The following PARD3 variants were observed in gnomAD, a reference collection of about 807,000 sequenced individuals.
PARD3 encodes partitioning defective 3 homolog.
PARD3 carries 75 observed loss-of-function variants against 155.4 expected under a neutral mutation model. The ratio of observed to expected loss-of-function variants is 0.48; its 90% CI spans 0.40 to 0.58. The LOEUF (loss-of-function observed/expected upper bound fraction) is 0.58, where lower values mean the gene tolerates loss of function less well. PARD3 is among the 20% of genes least tolerant of loss of function. The pLI is 0.00. For synonymous variants in PARD3, 576 were observed against 610.5 expected (o/e 0.94, Z 0.83); for missense variants, 1,642 against 1,721.7 (o/e 0.95, Z 0.82).
At chr10:34,796,371 TGA>T (rs1294828559) in intron 1 of PARD3, among the ~76,000 whole-genome samples, 1 of 152,182 alleles carries the variant, frequency 6.6e-6, no homozygotes, top group Non-Finnish European at 1.5e-5. Flanking sequence ...CACAAAATCA[TGA>T]GATATAATTA....
At chr10:34,504,143 T>C (rs1189174354) in intron 3 of PARD3, among the ~76,000 whole-genome samples, 1 of 152,048 alleles carries the variant, frequency 6.6e-6, no homozygotes, top group East Asian at 1.9e-4. Context: ...GATTTTTTTT[T>C]TTAAGAGATG....
chr10:34,403,422 T>C (rs192147468), intron 5 of PARD3, among the ~76,000 whole-genome samples: 2 of 152,288 alleles, frequency 1.3e-5, no homozygotes, highest in East Asian at 1.9e-4. Context: ...ATGCCATCAA[T>C]AGGAACAACA....
At chr10:34,262,137 A>T (rs1955059020) in intron 22 of PARD3, among the ~76,000 whole-genome samples, 1 of 151,046 alleles carries the variant, frequency 6.6e-6, no homozygotes, top group Admixed American at 6.6e-5. Flanking sequence ...GTAGTCAACT[A>T]CATCTACTGA....
At chr10:34,607,680 A>T (rs1022382465) in intron 2 of PARD3, among the ~76,000 whole-genome samples, 1 of 152,206 alleles carries the variant, frequency 6.6e-6, no homozygotes, top group Non-Finnish European at 1.5e-5. Context: ...TGTTTGCATC[A>T]TGGACACACT....
At chr10:34,709,431 T>C (rs559719435) in intron 1 of PARD3, among the ~76,000 whole-genome samples, 3 of 152,264 alleles carry the variant, frequency 2.0e-5, no homozygotes, top group African/African-American at 7.2e-5. Flanking sequence ...TAAATATGTA[T>C]TATTAGGAGT....
intron 2 of PARD3, among the ~76,000 whole-genome samples, chr10:34,577,345 A>G (rs1401360670): frequency 6.6e-6 from 1 of 152,160 alleles, no homozygotes; most frequent in Non-Finnish European, 1.5e-5. Context: ...TCTTCCAAAT[A>G]TGTCCATTTA....
At chr10:34,761,697 C>A (rs1837457041) in intron 1 of PARD3, among the ~76,000 whole-genome samples, 1 of 152,062 alleles carries the variant, frequency 6.6e-6, no homozygotes, top group African/African-American at 2.4e-5. Context: ...CAATGTTAAG[C>A]AAAGACAAAT....
chr10:34,621,300 G>A (rs1436178691), intron 2 of PARD3, among the ~76,000 whole-genome samples: 1 of 152,018 alleles, frequency 6.6e-6, no homozygotes, highest in Admixed American at 6.5e-5. Flanking sequence ...AGGTTTAAGT[G>A]GCTCTCGTGT....
chr10:34,304,565 C>T (rs189540597), intron 20 of PARD3, among the ~76,000 whole-genome samples: 154 of 152,242 alleles, frequency 1.0e-3, no homozygotes, highest in African/African-American at 3.4e-3. Context: ...CAAAACCTAC[C>T]CGGAAGGGTA....
intron 15 of PARD3, 55 bp from the exon 16 acceptor site, chr10:34,341,871 A>G (rs1392239623): frequency 2.8e-6 from 3 of 1,086,928 alleles, no homozygotes; most frequent in African/African-American, 3.2e-5. Flanking sequence ...AAAGTGTTAC[A>G]TCTATTAATT....
intron 22 of PARD3, among the ~76,000 whole-genome samples, chr10:34,174,981 C>A (rs1949970818): frequency 6.6e-6 from 1 of 151,500 alleles, no homozygotes; most frequent in Admixed American, 6.6e-5. Context: ...CTTCTTAAGG[C>A]CAATTCATTG....
At chr10:34,169,906 C>G (rs1211323732) in intron 22 of PARD3, among the ~76,000 whole-genome samples, 1 of 152,176 alleles carries the variant, frequency 6.6e-6, no homozygotes, top group Non-Finnish European at 1.5e-5. Flanking sequence ...CAGGATGTAT[C>G]TGCAGGGTGC....
intron 2 of PARD3, among the ~76,000 whole-genome samples, chr10:34,665,621 C>T (rs1179935549): frequency 6.6e-6 from 1 of 152,078 alleles, no homozygotes; most frequent in Admixed American, 6.5e-5. Flanking sequence ...AGGCGGATCA[C>T]GAGGTCAGGG....
chr10:34,763,213 G>A (rs1264786934), intron 1 of PARD3, among the ~76,000 whole-genome samples: 1 of 152,188 alleles, frequency 6.6e-6, no homozygotes, highest in Admixed American at 6.5e-5. Context: ...ATATCTAAAG[G>A]TCCCACCAGA....
chr10:34,212,864 C>T (rs371520456), intron 22 of PARD3, among the ~76,000 whole-genome samples: 70 of 152,296 alleles, frequency 4.6e-4, no homozygotes, highest in Admixed American at 2.0e-3. Context: ...TCTTCACCAA[C>T]ACTGCCACCA....
intron 24 of PARD3, among the ~76,000 whole-genome samples, chr10:34,116,661 A>G (rs890180153): frequency 6.6e-6 from 1 of 152,250 alleles, no homozygotes; most frequent in Non-Finnish European, 1.5e-5. Context: ...AAGGAAGACA[A>G]GAAGATACTG....
intron 2 of PARD3, among the ~76,000 whole-genome samples, chr10:34,684,213 G>A (rs1170727445): frequency 6.6e-6 from 1 of 152,196 alleles, no homozygotes; most frequent in Non-Finnish European, 1.5e-5. Flanking sequence ...AGTGGACAGT[G>A]AAAACGAAAA....
At chr10:34,346,624 A>G (rs1209850521) in intron 15 of PARD3, among the ~76,000 whole-genome samples, 1 of 152,230 alleles carries the variant, frequency 6.6e-6, no homozygotes, top group East Asian at 1.9e-4. Flanking sequence ...AGCAGTGAAG[A>G]GAGTGGTAAG....
Position 34,302,847 on chromosome 10 carries a change from G to A in PARD3, c.3065+14260C>T, listed in dbSNP as rs145397330. 3.3e-4 allele frequency among the ~76,000 whole-genome samples: 50 copies of A among 152,164 alleles called. No individual in the cohort carries two copies. The East Asian group carries it at 6.4e-3, about 19-fold the overall frequency. On this transcript the variant is annotated intron_variant, in intron 20 of 24. Transcript: ENST00000374788. ...CTAGTCTGCGCTAGGCCCATTTGTG[G>A]CAAGTTCCCACAATGTCCCCATCTC...
Sources: gnomAD v4.1 joint callset for allele counts (sites outside exome capture counted in the v4.1 genomes callset) on GRCh38, gnomAD v4.1.1 for gene constraint, MANE v1.5 for transcripts, NCBI Gene and HGNC (gene_info 2026-07-23, HGNC 2026-07-21) for gene names.